Variants in MGAT5 observed in about 807,000 individuals in gnomAD.
MGAT5 encodes the protein alpha-1,6-mannosylglycoprotein 6-beta-N-acetylglucosaminyltransferase, also known as alpha-1,6-mannosylglycoprotein 6-beta-N-acetylglucosaminyltransferase A.
A neutral mutation model predicts 94.3 loss-of-function variants in MGAT5; 30 were observed. That is an observed-to-expected ratio of 0.32 (90% CI 0.24 to 0.43). The LOEUF (loss-of-function observed/expected upper bound fraction) is 0.43. MGAT5 is among the 20% of genes least tolerant of loss of function. The pLI is 1.00. For synonymous variants in MGAT5, 310 were observed against 322.9 expected, an observed-to-expected ratio of 0.96 and a Z score of 0.43; for missense variants, 691 against 905.5, an observed-to-expected ratio of 0.76 and a Z score of 3.04.
chr2:134,252,024 G>A (rs192413413), upstream of MGAT5, among the ~76,000 whole-genome samples: 2 of 152,298 alleles, frequency 1.3e-5, no homozygotes, highest in East Asian at 3.9e-4. Flanking sequence ...TTAGCATAAT[G>A]TCCTTCGGGT....
chr2:134,151,719 G>A (rs1250085986), intron 1 of MGAT5, among the ~76,000 whole-genome samples: 1 of 140,542 alleles, frequency 7.1e-6, no homozygotes, highest in Non-Finnish European at 1.5e-5. Flanking sequence ...TGCCCTGTGG[G>A]ACCCACTCAC....
intron 13 of MGAT5, among the ~76,000 whole-genome samples, chr2:134,426,146 G>T (rs2106371332): frequency 1.3e-5 from 2 of 152,258 alleles, no homozygotes; most frequent in Admixed American, 1.3e-4. Flanking sequence ...CAATGCAGAA[G>T]CCCCTGCCTG....
chr2:134,126,980 T>G (rs1039322623), intron 1 of MGAT5: 1 of 153,016 alleles, frequency 6.5e-6, no homozygotes, highest in Non-Finnish European at 1.5e-5. Flanking sequence ...CGATTCTTTC[T>G]TGGATGCAAA....
intron 1 of MGAT5, among the ~76,000 whole-genome samples, chr2:134,159,044 A>G (rs565697322): frequency 6.6e-6 from 1 of 152,346 alleles, no homozygotes; most frequent in African/African-American, 2.4e-5. Context: ...ACATGGTGAT[A>G]TTTTGTGTAT....
chr2:134,341,192 G>A (rs1688609950), intron 6 of MGAT5, among the ~76,000 whole-genome samples: 1 of 152,108 alleles, frequency 6.6e-6, no homozygotes, highest in African/African-American at 2.4e-5. Flanking sequence ...TGACTATATT[G>A]TCATGTTTGC....
At chr2:134,206,586 C>CAT (rs143915699) in intron 1 of MGAT5, among the ~76,000 whole-genome samples, 2,792 of 152,194 alleles carry the variant, frequency 0.018, 81 homozygotes, top group African/African-American at 0.064. Context: ...ACTCCTGAAA[C>CAT]GTGGATGTAG....
At chr2:134,269,587 T>G (rs1313056938) in intron 1 of MGAT5, among the ~76,000 whole-genome samples, 1 of 152,232 alleles carries the variant, frequency 6.6e-6, no homozygotes, top group East Asian at 1.9e-4. Flanking sequence ...TTATCTTTTC[T>G]TTTTTCTTTG....
chr2:134,318,860 C>T, intron 4 of MGAT5, 121 bp downstream of exon 4: 7 of 619,798 alleles, frequency 1.1e-5, no homozygotes, highest in East Asian at 8.5e-5. Flanking sequence ...CCTATGGTTC[C>T]GTCCTTCATT....
intron 2 of MGAT5, among the ~76,000 whole-genome samples, chr2:134,271,251 C>T (rs1684010617): frequency 6.6e-6 from 1 of 151,714 alleles, no homozygotes. Context: ...CACCATCACA[C>T]TGCTCTGAGG....
At chr2:134,139,155 G>T (rs1039438070) in intron 1 of MGAT5, among the ~76,000 whole-genome samples, 2 of 152,288 alleles carry the variant, frequency 1.3e-5, no homozygotes, top group African/African-American at 2.4e-5. Flanking sequence ...ACATGGAAAG[G>T]GTTTTGTTGG....
At chr2:134,347,199 T>C (rs1402854803) in intron 8 of MGAT5, among the ~76,000 whole-genome samples, 1 of 152,220 alleles carries the variant, frequency 6.6e-6, no homozygotes, top group Non-Finnish European at 1.5e-5. Flanking sequence ...ACCTTCCATG[T>C]CATAGACCAA....
At chr2:134,192,669 A>G (rs1679287556) in intron 1 of MGAT5, among the ~76,000 whole-genome samples, 1 of 151,930 alleles carries the variant, frequency 6.6e-6, no homozygotes, top group African/African-American at 2.4e-5. Flanking sequence ...AAATTTTTTT[A>G]TTTTTTTATT....
intron 1 of MGAT5, among the ~76,000 whole-genome samples, chr2:134,258,041 G>C (rs1573631575): frequency 6.6e-6 from 1 of 152,044 alleles, no homozygotes; most frequent in Non-Finnish European, 1.5e-5. Flanking sequence ...TGGGTATACA[G>C]TAGGTATTTG....
At chr2:134,334,924 TGG>T (rs1341590723) in intron 4 of MGAT5, among the ~76,000 whole-genome samples, 3 of 152,146 alleles carry the variant, frequency 2.0e-5, no homozygotes, top group Admixed American at 1.3e-4. Flanking sequence ...TTCACAAATA[TGG>T]TAAGGTCTAA....
At chr2:134,218,956 A>G (rs1481176540) in intron 1 of MGAT5, among the ~76,000 whole-genome samples, 1 of 152,158 alleles carries the variant, frequency 6.6e-6, no homozygotes, top group African/African-American at 2.4e-5. Context: ...GCTGTGTATC[A>G]TTTACTGTCC....
intron 1 of MGAT5, among the ~76,000 whole-genome samples, chr2:134,170,855 CT>C (rs112717170): frequency 3.8e-4 from 55 of 145,872 alleles, no homozygotes; most frequent in East Asian, 1.2e-3. Context: ...GATCTCTACT[CT>C]TTTTTTTTTT....
chr2:134,174,394 T>C (rs1311588888), intron 1 of MGAT5, among the ~76,000 whole-genome samples: 1 of 152,248 alleles, frequency 6.6e-6, no homozygotes, highest in Non-Finnish European at 1.5e-5. Flanking sequence ...TAGACATTAT[T>C]TGAGGGCTAG....
intron 1 of MGAT5, among the ~76,000 whole-genome samples, chr2:134,172,614 C>T (rs1262075792): frequency 6.6e-6 from 1 of 152,168 alleles, no homozygotes; most frequent in Non-Finnish European, 1.5e-5. Flanking sequence ...TCTCGATCTC[C>T]TGACCTCGTG....
intron 1 of MGAT5, among the ~76,000 whole-genome samples, chr2:134,246,167 TAAAA>T (rs11378452): frequency 7.7e-6 from 1 of 130,528 alleles, no homozygotes; most frequent in Non-Finnish European, 1.6e-5. Context: ...TTCCTGTTTA[TAAAA>T]AAAAAAAAAA....
Sources: allele counts gnomAD v4.1 joint callset (sites outside exome capture counted in the v4.1 genomes callset), GRCh38; gene constraint gnomAD v4.1.1; transcripts MANE v1.5; gene names NCBI Gene and HGNC (gene_info 2026-07-23, HGNC 2026-07-21).